Variants in FANCA observed in about 807,000 individuals in gnomAD.
FANCA encodes FA complementation group A.
In FANCA, 236 loss-of-function variants were observed where a neutral mutation model predicts 194.3. The ratio of observed to expected loss-of-function variants is 1.21; its 90% CI spans 1.09 to 1.35. The LOEUF is 1.35. Ranked by LOEUF, FANCA falls within the 40% of genes most tolerant of loss-of-function variation. The pLI is 0.00. For synonymous variants in FANCA, 1,014 were observed against 715.8 expected (o/e 1.42, Z -6.65); for missense variants, 2,628 against 1,813.9 (o/e 1.45, Z -8.15).
rs74033883 is a variant in FANCA, at chr16:89,814,163, G to A, written c.283+357C>T. Among the ~76,000 whole-genome samples, 863 of 152,248 alleles carry A rather than the reference G, an allele frequency of 5.7e-3. 5 individuals carry two copies. The highest frequency in any genetic ancestry group is 0.02 in the African/African-American group (833 of 41,544). Reference sequence around the variant, plus strand: ...CCCACTCTCAAACTGGGGGGAGAAGGAGGTACCTAGAAAATTGTTCTCCCG... The same window carrying A: ...CCCACTCTCAAACTGGGGGGAGAAGAAGGTACCTAGAAAATTGTTCTCCCG... On this transcript the variant is annotated intron_variant, in intron 3 of 42. Transcript: ENST00000389301.
At chr16:89,749,606 G>C (rs2038509966) in intron 32 of FANCA, 124 bp downstream of exon 32, 3 of 1,206,828 alleles carry the variant, frequency 2.5e-6, no homozygotes, top group East Asian at 5.1e-5. Context: ...GACAGGCTTG[G>C]GGTGGGGACA....
intron 35 of FANCA, among the ~76,000 whole-genome samples, chr16:89,745,313 G>A (rs111861123): frequency 1.9e-4 from 29 of 151,730 alleles, no homozygotes; most frequent in South Asian, 2.1e-4. Context: ...CTGGCCTAAC[G>A]CAACAGTGAA....
At chr16:89,785,361 G>C (rs1052450166) in intron 14 of FANCA, among the ~76,000 whole-genome samples, 2 of 152,170 alleles carry the variant, frequency 1.3e-5, no homozygotes, top group African/African-American at 2.4e-5. Context: ...CCTAAGAAGT[G>C]TTTGTGCACA....
intron 28 of FANCA, among the ~76,000 whole-genome samples, chr16:89,764,511 G>T (rs1279770777): frequency 1.3e-5 from 2 of 152,106 alleles, no homozygotes; most frequent in African/African-American, 4.8e-5. Context: ...TCACTATGTT[G>T]CCCGGGCTGG....
In FANCA at chr16:89,779,957, G is replaced by A. The variant is rs763074159; in HGVS notation, c.1627C>T (p.Pro543Ser). 17 of 1,614,048 alleles carry A rather than the reference G, an allele frequency of 1.1e-5. No individual in the cohort carries two copies. In the South Asian group the frequency reaches 1.9e-4, roughly 18 times the overall value. Residue 543 changes from proline (P) to serine (S), a missense_variant and splice_region_variant, in exon 18 of 43, where the codon CCC becomes TCC. Physicochemically the swap from Pro to Ser is moderately conservative, Grantham distance 74. Coordinates refer to ENST00000389301, the MANE Select transcript of FANCA (RefSeq NM_000135.4). ...ACATCCTGAAGAGCTTGGCTGTGGGGCTGGTTCCCATACAGGGAGGAAAGG... is the reference window on the plus strand; with the variant it reads ...ACATCCTGAAGAGCTTGGCTGTGGGACTGGTTCCCATACAGGGAGGAAAGG... ...DLSSAGDITEPHSQALQDVEK... is the reference protein window; with the variant it reads ...DLSSAGDITESHSQALQDVEK...
intron 14 of FANCA, among the ~76,000 whole-genome samples, chr16:89,789,308 G>T (rs997668060): frequency 7.7e-5 from 8 of 103,866 alleles, no homozygotes; most frequent in Admixed American, 2.1e-4. Context: ...AGAAGGCCTG[G>T]GGGGGGAGCA....
intron 10 of FANCA, chr16:89,798,615 C>A: frequency 4.3e-6 from 5 of 1,169,504 alleles, no homozygotes; most frequent in Non-Finnish European, 5.3e-6. Flanking sequence ...CACCTTCCAC[C>A]CAGCCCCCAC....
Position 89,779,922 on chromosome 16 carries a change from G to A in FANCA, c.1662C>T (p.Ala554=), listed in dbSNP as rs1235279691. The change falls in exon 18 of 43, where the codon GCC becomes GCT. Residue 554 remains alanine, a synonymous_variant. Transcript: ENST00000389301. Reference sequence around the variant, plus strand: ...TCCCCGTATGCTCAAACACCATGATGGCCTTTTCAACATCCTGAAGAGCTT... The same window carrying A: ...TCCCCGTATGCTCAAACACCATGATAGCCTTTTCAACATCCTGAAGAGCTT... ...HSQALQDVEK[A]IMVFEHTGNI... is the part of the protein sequence containing the mutation. The A allele has an allele frequency of 6.2e-7, 1 of 1,614,138 alleles. No homozygotes were observed. Among genetic ancestry groups the A allele is most frequent in the Non-Finnish European group, 8.5e-7 (1 of 1,180,036 alleles).
intron 33 of FANCA, among the ~76,000 whole-genome samples, chr16:89,748,117 G>A (rs45440396): frequency 0.067 from 10,199 of 152,190 alleles, 852 homozygotes; most frequent in African/African-American, 0.2. Context: ...TTGTCATGTT[G>A]CCCAGGCTGG....
chr16:89,737,664 T>G lies in FANCA; in HGVS notation c.*937A>C. ...AAGATCTTAATAAACGAGGCCCTCA[T>G]AGGCCCCTTGCTTGGGCCCACTGCA... On this transcript the variant is annotated 3_prime_UTR_variant, in exon 43 of 43. Coordinates refer to ENST00000389301, the MANE Select transcript of FANCA (RefSeq NM_000135.4). 6.7e-7 allele frequency: 1 copy of G among 1,491,764 alleles called. No homozygotes were observed. The highest frequency in any genetic ancestry group is 9.0e-7 in the Non-Finnish European group (1 of 1,116,910). The allele number at this position is 1,491,764 out of a possible 1,614,324, so 92.4% of individuals were successfully genotyped here.
Position 89,783,031 on chromosome 16 carries a change from G to A in FANCA, c.1542C>T (p.Ala514=), listed in dbSNP as rs962460972. ...RSLLTDYISL[A]KTRLADLKVS... is the part of the protein sequence containing the mutation. Reference sequence around the variant, plus strand: ...CCTTGAGGTCGGCCAGCCGTGTCTTGGCCAATGAGATGTAGTCTGTGAGGA... The same window carrying A: ...CCTTGAGGTCGGCCAGCCGTGTCTTAGCCAATGAGATGTAGTCTGTGAGGA... The change falls in exon 16 of 43, where the codon GCC becomes GCT. Residue 514 remains alanine (A), a synonymous_variant. Coordinates refer to ENST00000389301, the MANE Select transcript of FANCA (RefSeq NM_000135.4). 4 of 1,614,094 alleles carry A rather than the reference G, an allele frequency of 2.5e-6. No homozygotes were observed. The highest frequency in any genetic ancestry group is 3.4e-6 in the Non-Finnish European group (4 of 1,179,970).
At position 89,795,964 on chromosome 16, in the gene FANCA, C is replaced by G; in HGVS notation, c.948G>C (p.Leu316=). ...TCAGGGTATGACTGAAGAACCTCTT[C>G]AGAGGATCTGTGGAAATTACACTGC... ...TLGSVISTDP[L]KRFFSHTLTQ... is the part of the protein sequence containing the mutation. Residue 316 remains leucine (L), a synonymous_variant, in exon 11 of 43, where the codon CTG becomes CTC. Transcript: ENST00000389301. 6.2e-7 allele frequency: 1 copy of G among 1,614,182 alleles called. No homozygotes were observed. The highest frequency in any genetic ancestry group is 1.1e-5 in the South Asian group (1 of 91,084).
chr16:89,743,001 C>T (rs1210434517), intron 36 of FANCA, 63 bp from the exon 37 acceptor site: 1 of 1,578,376 alleles, frequency 6.3e-7, no homozygotes, highest in African/African-American at 1.4e-5. Context: ...CCATAGAAAC[C>T]AAGTCCTTAT....
rs1182303895 is a variant in FANCA, at chr16:89,759,389, C to G, written c.2853-684G>C. Among the ~76,000 whole-genome samples, 5 of 145,014 alleles carry G rather than the reference C, an allele frequency of 3.4e-5. No individual in the cohort carries two copies. In the Admixed American group the frequency reaches 3.5e-4, roughly 10 times the overall value. On this transcript the variant is annotated intron_variant, in intron 29 of 42. Transcript: ENST00000389301. ...CACCTGAGGGCACCTGAGCTACTCA[C>G]AGGCCCACCAGAAGGGGATGGTGAA...
intron 10 of FANCA, chr16:89,798,633 C>T (rs1479126323): frequency 3.3e-5 from 39 of 1,184,970 alleles, no homozygotes; most frequent in Non-Finnish European, 3.7e-5. Context: ...CACTCCTCAG[C>T]TTCCGCCTCC....
In FANCA at chr16:89,761,956, T is replaced by A; in HGVS notation, c.2845A>T (p.Thr949Ser). 2 of 1,613,780 alleles carry A rather than the reference T, an allele frequency of 1.2e-6. No homozygotes were observed. Among genetic ancestry groups the A allele is most frequent in the Non-Finnish European group, 1.7e-6 (2 of 1,179,658 alleles). Residue 949 changes from threonine to serine, a missense_variant, in exon 29 of 43, where the codon ACT (threonine) becomes TCT (serine). Physicochemically the swap from Thr to Ser is moderately conservative, Grantham distance 58. Coordinates refer to ENST00000389301, the MANE Select transcript of FANCA (RefSeq NM_000135.4). Reference sequence around the variant, plus strand: ...GCTCTTTTCAACACTTACCGTTCAGTATCTGAAAGAGCATCAGCTTCAGGT... The same window carrying A: ...GCTCTTTTCAACACTTACCGTTCAGAATCTGAAAGAGCATCAGCTTCAGGT... ...IQPEADALSD[T>S]ERQDFHQWAI...
intron 30 of FANCA, among the ~76,000 whole-genome samples, chr16:89,753,075 G>A (rs910767528): frequency 6.6e-6 from 1 of 152,216 alleles, no homozygotes; most frequent in Non-Finnish European, 1.5e-5. Flanking sequence ...CTTCCAGATA[G>A]CAGTAGCAAA....
At chr16:89,744,369 G>T (rs2062198093) in intron 36 of FANCA, among the ~76,000 whole-genome samples, 1 of 152,224 alleles carries the variant, frequency 6.6e-6, no homozygotes, top group African/African-American at 2.4e-5. Flanking sequence ...AGCAGGTGGA[G>T]TGGCTGTCAG....
chr16:89,775,528 G>C (rs1372382025), intron 21 of FANCA, among the ~76,000 whole-genome samples: 1 of 152,242 alleles, frequency 6.6e-6, no homozygotes, highest in Non-Finnish European at 1.5e-5. Flanking sequence ...TTTCCGGAAG[G>C]TGCTAAGTGA....
Sources: gnomAD v4.1 joint callset for allele counts (sites outside exome capture counted in the v4.1 genomes callset) on GRCh38, gnomAD v4.1.1 for gene constraint, MANE v1.5 for transcripts, NCBI Gene and HGNC (gene_info 2026-07-23, HGNC 2026-07-21) for gene names.